The following ARHGAP6 variants were observed in gnomAD, a reference collection of about 807,000 sequenced individuals.
The protein encoded by ARHGAP6 is Rho GTPase activating protein 6.
A neutral mutation model predicts 55.7 loss-of-function variants in ARHGAP6; 16 were observed. That is an observed-to-expected ratio of 0.29 (90% CI 0.19 to 0.44). The LOEUF (loss-of-function observed/expected upper bound fraction) is 0.44. ARHGAP6 is among the 20% of genes least tolerant of loss of function. The pLI, the probability that ARHGAP6 is intolerant of heterozygous loss-of-function variation, is 1.00. For missense variants in ARHGAP6, 698 were observed against 808.9 expected (o/e 0.86, Z 1.66); for synonymous variants, 382 against 360.9 (o/e 1.06, Z -0.66).
intron 8 of ARHGAP6, among the ~76,000 whole-genome samples, chrX:11,177,298 CA>C (rs1190521388): frequency 0.011 from 827 of 78,486 alleles, 8 homozygotes; most frequent in African/African-American, 0.034. Context: ...AAGGGTGAAA[CA>C]AAAAAAAAAA....
chrX:11,315,848 T>C (rs767541107), intron 1 of ARHGAP6, among the ~76,000 whole-genome samples: 1 of 112,241 alleles, frequency 8.9e-6, no homozygotes, highest in East Asian at 2.8e-4. Flanking sequence ...TTAACCAACC[T>C]TGTATCTTTA....
chrX:11,630,493 G>T (rs759553021), intron 1 of ARHGAP6, among the ~76,000 whole-genome samples: 7 of 112,193 alleles, frequency 6.2e-5, no homozygotes, highest in Admixed American at 1.9e-4. Flanking sequence ...AGGTCAAAAA[G>T]ATGCTATGAG....
chrX:11,589,636 A>G (rs1011976015), intron 1 of ARHGAP6, among the ~76,000 whole-genome samples: 1 of 110,797 alleles, frequency 9.0e-6, no homozygotes, highest in East Asian at 2.9e-4. Flanking sequence ...TTTAGTTACT[A>G]TCTGCTGAAA....
intron 1 of ARHGAP6, among the ~76,000 whole-genome samples, chrX:11,501,720 G>T (rs915714829): frequency 9.0e-6 from 1 of 111,544 alleles, no homozygotes; most frequent in African/African-American, 3.3e-5. Flanking sequence ...AAGTAGGCTA[G>T]AAAAAAGTAA....
chrX:11,194,625 G>T (rs922101622), intron 3 of ARHGAP6, among the ~76,000 whole-genome samples: 1 of 112,061 alleles, frequency 8.9e-6, no homozygotes, highest in African/African-American at 3.2e-5. Context: ...AGAGGCCAGG[G>T]ATGCTGCTAA....
rs147159137 is a variant in ARHGAP6 at position 11,487,944 on chromosome X, C to T, written c.588+176297G>A. Among the ~76,000 whole-genome samples the T allele has an allele frequency of 3.7e-4, 41 of 112,163 alleles. No individual in the cohort carries two copies. In the South Asian group the frequency reaches 0.012, roughly 34 times the overall value. Reference sequence around the variant, plus strand: ...AAACTAGTGAGTGAAAGTTTGATGACGAATGGGATATTTATACCTCTTCAA... The same window carrying T: ...AAACTAGTGAGTGAAAGTTTGATGATGAATGGGATATTTATACCTCTTCAA... On this transcript the variant is annotated intron_variant, in intron 1 of 12. Transcript: ENST00000337414.
chrX:11,522,634 G>A (rs1355458888), intron 1 of ARHGAP6, among the ~76,000 whole-genome samples: 6 of 111,303 alleles, frequency 5.4e-5, no homozygotes, highest in East Asian at 2.8e-4. Context: ...TAGAAAATCT[G>A]GAAGAAATGG....
chrX:11,649,600 C>A (rs2052564251), intron 1 of ARHGAP6, among the ~76,000 whole-genome samples: 1 of 111,783 alleles, frequency 8.9e-6, no homozygotes, highest in Admixed American at 9.5e-5. Flanking sequence ...CCCAAATAAA[C>A]TGCTTTCACC....
At chrX:11,533,579 G>A (rs1384043678) in intron 1 of ARHGAP6, among the ~76,000 whole-genome samples, 2 of 112,356 alleles carry the variant, frequency 1.8e-5, no homozygotes, top group Non-Finnish European at 3.8e-5. Context: ...TAGATTTATA[G>A]TATAACAAAC....
At chrX:11,169,780 T>C in intron 8 of ARHGAP6, 96 bp from the exon 9 acceptor site, 1 of 713,022 alleles carries the variant, frequency 1.4e-6, no homozygotes, top group South Asian at 4.0e-5. Flanking sequence ...CTCCTTTTTT[T>C]TTTTTAATCC....
At chrX:11,246,779 T>C (rs1216344929) in intron 2 of ARHGAP6, among the ~76,000 whole-genome samples, 3 of 112,086 alleles carry the variant, frequency 2.7e-5, no homozygotes, top group East Asian at 2.8e-4. Flanking sequence ...TTGCTTCCCA[T>C]TGGCATTTCT....
chrX:11,664,841 G>C lies in ARHGAP6; in HGVS notation c.-13C>G. Reference sequence around the variant, plus strand: ...TCTGCGCGGACATCTCGGCGGGGCTGCACCTGAGGACCACCTCCTCCTCCC... The same window carrying C: ...TCTGCGCGGACATCTCGGCGGGGCTCCACCTGAGGACCACCTCCTCCTCCC... On this transcript the variant is annotated 5_prime_UTR_variant, in exon 1 of 13. Transcript: ENST00000337414. 1 of 1,163,350 alleles carries C rather than the reference G, an allele frequency of 8.6e-7. No individual in the cohort carries two copies. Among genetic ancestry groups the C allele is most frequent in the Non-Finnish European group, 1.1e-6 (1 of 870,328 alleles).
At chrX:11,622,077 A>T (rs773077189) in intron 1 of ARHGAP6, among the ~76,000 whole-genome samples, 20 of 112,331 alleles carry the variant, frequency 1.8e-4, no homozygotes, top group African/African-American at 6.5e-4. Context: ...ATTACAAAAT[A>T]TAAAACATTA....
At chrX:11,265,767 T>C in intron 1 of ARHGAP6, 1 of 930,969 alleles carries the variant, frequency 1.1e-6, no homozygotes, top group South Asian at 2.3e-5. Context: ...TGAGTCTGTT[T>C]TAAAAAAATT....
intron 1 of ARHGAP6, among the ~76,000 whole-genome samples, chrX:11,504,839 A>G (rs1020100342): frequency 5.3e-5 from 6 of 112,584 alleles, no homozygotes; most frequent in Non-Finnish European, 1.1e-4. Flanking sequence ...TGCTAGAAAG[A>G]TATTTCAATG....
intron 1 of ARHGAP6, among the ~76,000 whole-genome samples, chrX:11,461,749 C>T (rs2050247487): frequency 8.9e-6 from 1 of 112,240 alleles, no homozygotes; most frequent in Admixed American, 9.4e-5. Flanking sequence ...AAGGAAACCA[C>T]ATTCCTATCT....
intron 1 of ARHGAP6, among the ~76,000 whole-genome samples, chrX:11,366,661 C>T (rs771545692): frequency 9.0e-6 from 1 of 111,724 alleles, no homozygotes; most frequent in Non-Finnish European, 1.9e-5. Context: ...TGGTAAATGT[C>T]GAATGTTACT....
At chrX:11,514,188 A>AG (rs1310654435) in intron 1 of ARHGAP6, among the ~76,000 whole-genome samples, 1 of 101,702 alleles carries the variant, frequency 9.8e-6, no homozygotes, top group Admixed American at 1.1e-4. Context: ...AAAAAAAAAA[A>AG]GTGGTTTTAC....
At chrX:11,262,923 A>G (rs2047579794) in intron 1 of ARHGAP6, among the ~76,000 whole-genome samples, 1 of 111,217 alleles carries the variant, frequency 9.0e-6, no homozygotes, top group Non-Finnish European at 1.9e-5. Flanking sequence ...ATCAGACAAT[A>G]CAAATGAATT....
Sources: gnomAD v4.1 joint callset for allele counts (sites outside exome capture counted in the v4.1 genomes callset) on GRCh38, gnomAD v4.1.1 for gene constraint, MANE v1.5 for transcripts, NCBI Gene and HGNC (gene_info 2026-07-23, HGNC 2026-07-21) for gene names.